CARNS1: variants seen among roughly 807,000 people sequenced by gnomAD.
CARNS1 encodes the protein carnosine synthase 1.
A neutral mutation model predicts 74.0 loss-of-function variants in CARNS1; 61 were observed. The observed-to-expected ratio is 0.82, with a 90% CI of 0.67 to 1.02. The LOEUF is 1.02. Ranked by LOEUF, CARNS1 falls within the 50% of genes least tolerant of loss-of-function variation. The probability of loss-of-function intolerance (pLI) is 0.00; values close to 1 mark genes in which losing one functional copy is unlikely to be tolerated. For synonymous variants in CARNS1, 568 were observed against 605.5 expected (o/e 0.94, Z 0.91); for missense variants, 1,278 against 1,308.4 (o/e 0.98, Z 0.36).
chr11:67,420,189 C>A (rs1863659784), intron 7 of CARNS1, among the ~76,000 whole-genome samples: 1 of 152,196 alleles, frequency 6.6e-6, no homozygotes, highest in African/African-American at 2.4e-5. Flanking sequence ...GGAGGGGCCT[C>A]TAAGCTGGAG....
Position 67,423,610 on chromosome 11 carries a change from T to C in CARNS1, c.1862T>C (p.Met621Thr), listed in dbSNP as rs1230188047. ...CTGCCCTGCAGCTCCCCAGCTGCCATGCGCCTGGCTAAGCAGAAGAGCCTC... is the reference window on the plus strand; with the variant it reads ...CTGCCCTGCAGCTCCCCAGCTGCCACGCGCCTGGCTAAGCAGAAGAGCCTC... ...LGLPCSSPAAMRLAKQKSLTQ... is the reference protein window; with the variant it reads ...LGLPCSSPAATRLAKQKSLTQ... The change falls in exon 10 of 10, where the codon ATG becomes ACG. Residue 621 changes from methionine (M) to threonine (T), a missense_variant. Physicochemically the swap from Met to Thr is moderately conservative, Grantham distance 81. This residue lies in a region of CARNS1 where 1,164 missense variants were observed against 1,156.5 expected (regional missense o/e 1.01). Transcript: ENST00000687366. This position sits in a 1 kb window ranked among gnomAD's most constrained non-coding sequence, Gnocchi z 5.1. 6.2e-7 allele frequency: 1 copy of C among 1,610,142 alleles called. No individual in the cohort carries two copies. The highest frequency in any genetic ancestry group is 1.1e-5 in the South Asian group (1 of 90,452).
chr11:67,419,657 C>T lies in CARNS1; in HGVS notation c.1023C>T (p.Cys341=), dbSNP rs749260663. The change falls in exon 6 of 10, where the codon TGC becomes TGT. Residue 341 remains cysteine (C), a synonymous_variant. Transcript: ENST00000687366. ...EAVYPPAQLP[C]SDGPSPGPGL... Reference sequence around the variant, plus strand: ...TGTACCCACCTGCCCAGCTGCCCTGCTCAGGTGAGAGCCACCTGGGCTGAC... The same window carrying T: ...TGTACCCACCTGCCCAGCTGCCCTGTTCAGGTGAGAGCCACCTGGGCTGAC... 6.3e-7 allele frequency: 1 copy of T among 1,594,090 alleles called. No homozygotes were observed. Among genetic ancestry groups the T allele is most frequent in the Non-Finnish European group, 8.5e-7 (1 of 1,170,984 alleles).
rs1863618294 is a variant in CARNS1, at chr11:67,418,974, G to A, written c.583G>A (p.Asp195Asn). 1.3e-6 allele frequency: 2 copies of A among 1,566,460 alleles called. No individual in the cohort carries two copies. Among genetic ancestry groups the A allele is most frequent in the Non-Finnish European group, 1.7e-6 (2 of 1,156,252 alleles). Reference sequence around the variant, plus strand: ...CCGAGAGGCAGCAGAACTCGCCCGTGACCTGACCTGCCCCACAGGAGCTTC... The same window carrying A: ...CCGAGAGGCAGCAGAACTCGCCCGTAACCTGACCTGCCCCACAGGAGCTTC... The part of the protein sequence containing the change: ...RGREAAELAR[D>N]LTCPTGASAE... Residue 195 changes from aspartate (D) to asparagine (N), a missense_variant, in exon 5 of 10, where the codon GAC becomes AAC. Asp to Asn is a conservative substitution (Grantham distance 23). Coordinates refer to ENST00000687366, the MANE Select transcript of CARNS1 (RefSeq NM_001166222.2).
At chr11:67,416,235 C>G (rs1343144388) in intron 2 of CARNS1, 33 bp downstream of exon 2, 2 of 1,537,062 alleles carry the variant, frequency 1.3e-6, no homozygotes, top group Non-Finnish European at 1.7e-6. Flanking sequence ...CCCACAAGGC[C>G]CAAGTCCCTG....
In CARNS1 at chr11:67,419,050, T is replaced by C. The variant is rs1333427447; in HGVS notation, c.659T>C (p.Leu220Pro). 1 of 1,557,814 alleles carries C rather than the reference T, an allele frequency of 6.4e-7. No homozygotes were observed. Among genetic ancestry groups the C allele is most frequent in the Non-Finnish European group, 8.7e-7 (1 of 1,151,920 alleles). The change falls in exon 5 of 10, where the codon CTG becomes CCG. Residue 220 changes from leucine (L) to proline (P), a missense_variant. Physicochemically the swap from Leu to Pro is moderately conservative, Grantham distance 98 (BLOSUM62 -3). Transcript: ENST00000687366. ...GACCGGCTGCTGACAAGGCAGTTGC[T>C]GGCCCAGCAGGGTGGTGTGGCTGTG... ...LEDRLLTRQL[L>P]AQQGGVAVPA...
rs982045281 is a variant in CARNS1, at chr11:67,419,894, C to T, written c.1113+56C>T. On this transcript the variant is annotated intron_variant, in intron 7 of 9. Coordinates refer to ENST00000687366, the MANE Select transcript of CARNS1 (RefSeq NM_001166222.2). ...CTGCCTGCCACACGCCAGCCCAGTC[C>T]CAGTAGTGGTTTGCCAAGGGCCCCT... 6.1e-5 allele frequency: 94 copies of T among 1,529,076 alleles called. No homozygotes were observed. In the African/African-American group the frequency reaches 1.2e-3, roughly 19 times the overall value. 94.7% of individuals were successfully genotyped at this position (1,529,076 alleles called of 1,614,324 possible).
Position 67,420,596 on chromosome 11 carries a change from TC to T in CARNS1, c.1114-8del, listed in dbSNP as rs1217769034. 4 of 1,233,236 alleles carry T rather than the reference TC, an allele frequency of 3.2e-6. No individual in the cohort carries two copies. The highest frequency in any genetic ancestry group is 3.0e-6 in the Non-Finnish European group (3 of 987,782). The allele number at this position is 1,233,236 out of a possible 1,614,324, so 76.4% of individuals were successfully genotyped here. On this transcript the variant is annotated splice_polypyrimidine_tract_variant and intron_variant, in intron 7 of 9. Coordinates refer to ENST00000687366, the MANE Select transcript of CARNS1 (RefSeq NM_001166222.2). ...GAGTGTGTGGGCCTCCCCCTGAGTCTCCCCCTGCCCAGGTGGTGTGCGGCGT... is the reference window on the plus strand; with the variant it reads ...GAGTGTGTGGGCCTCCCCCTGAGTCTCCCCTGCCCAGGTGGTGTGCGGCGT...
Position 67,417,686 on chromosome 11 carries a change from G to A in CARNS1, c.274+9G>A. 8.0e-7 allele frequency: 1 copy of A among 1,250,272 alleles called. No homozygotes were observed. The highest frequency in any genetic ancestry group is 3.1e-5 in the East Asian group (1 of 31,768). 77.4% of individuals were successfully genotyped at this position (1,250,272 alleles called of 1,614,324 possible). On this transcript the variant is annotated intron_variant, in intron 3 of 9. Transcript: ENST00000687366. ...CCAGGTGCCCCGCACAGGTGCCCAA[G>A]GGCTCCCTGGAGGGAGGCACCTCTG...
Position 67,421,226 on chromosome 11 carries a change from G to A in CARNS1, c.1626+7G>A, listed in dbSNP as rs973904315. 15 of 1,481,868 alleles carry A rather than the reference G, an allele frequency of 1.0e-5. No homozygotes were observed. Among genetic ancestry groups the A allele is most frequent in the Non-Finnish European group, 1.3e-5 (15 of 1,123,556 alleles). The allele number at this position is 1,481,868 out of a possible 1,614,324, so 91.8% of individuals were successfully genotyped here. A position where few individuals can be genotyped will look rare whatever the true frequency, so the allele number is the denominator to read the frequency against. On this transcript the variant is annotated splice_region_variant and intron_variant, in intron 9 of 9. Transcript: ENST00000687366. ...GCGCGACTACGGGCTCCAGGTGGGCGGGGCGCGGGGCGGGGCTGGGCCCCA... is the reference window on the plus strand; with the variant it reads ...GCGCGACTACGGGCTCCAGGTGGGCAGGGCGCGGGGCGGGGCTGGGCCCCA...
chr11:67,425,175 C>G lies in CARNS1; in HGVS notation c.*574C>G, dbSNP rs1244571192. The G allele has an allele frequency of 2.3e-6, 1 of 429,278 alleles. No individual in the cohort carries two copies. The highest frequency in any genetic ancestry group is 4.7e-6 in the Non-Finnish European group (1 of 211,850). 26.6% of individuals were successfully genotyped at this position (429,278 alleles called of 1,614,324 possible). On this transcript the variant is annotated 3_prime_UTR_variant, in exon 10 of 10. Coordinates refer to ENST00000687366, the MANE Select transcript of CARNS1 (RefSeq NM_001166222.2). ...CCTGTGGACAGAAGTAATCCTCTTT[C>G]TGCTCACCCCAGGCAGACACAACTG...
Position 67,424,861 on chromosome 11 carries a change from CCACACACACA to C in CARNS1, c.*282_*291del, listed in dbSNP as rs59798232. 43 of 508,970 alleles carry C rather than the reference CCACACACACA, an allele frequency of 8.4e-5. No homozygotes were observed. In the Middle Eastern group the frequency reaches 1.5e-3, roughly 18 times the overall value. The allele number at this position is 508,970 out of a possible 1,614,324, so 31.5% of individuals were successfully genotyped here. ...TCTAGCCTTGGAGAAATGACAATGG[CCACACACACA>C]CACACACACACACACACACACCTCT... On this transcript the variant is annotated 3_prime_UTR_variant, in exon 10 of 10. Coordinates refer to ENST00000687366, the MANE Select transcript of CARNS1 (RefSeq NM_001166222.2).
In CARNS1 at chr11:67,424,220, T is replaced by C. The variant is rs768285063; in HGVS notation, c.2472T>C (p.Asp824=). 2 of 1,613,766 alleles carry C rather than the reference T, an allele frequency of 1.2e-6. No individual in the cohort carries two copies. The highest frequency in any genetic ancestry group is 1.3e-5 in the African/African-American group (1 of 75,050). ...NPRMGGFYLR[D]WILELYGVDL... is the part of the protein sequence containing the mutation. ...GCATGGGTGGCTTCTACCTGCGTGA[T>C]TGGATCCTGGAGCTCTATGGTGTTG... The change falls in exon 10 of 10, where the codon GAT becomes GAC. Residue 824 remains aspartate (D), a synonymous_variant. Transcript: ENST00000687366.
In CARNS1 at chr11:67,423,693, G is replaced by C; in HGVS notation, c.1945G>C (p.Ala649Pro). Residue 649 changes from alanine to proline, a missense_variant, in exon 10 of 10, where the codon GCT becomes CCT. Coordinates refer to ENST00000687366, the MANE Select transcript of CARNS1 (RefSeq NM_001166222.2). This position sits in a 1 kb window ranked among gnomAD's most constrained non-coding sequence, Gnocchi z 5.1. ...GPPWPAPSLHAVPCCPLESEA... is the reference protein window; with the variant it reads ...GPPWPAPSLHPVPCCPLESEA... Reference sequence around the variant, plus strand: ...ACCCTGGCCTGCGCCCTCCCTCCATGCTGTGCCCTGCTGCCCACTGGAGAG... The same window carrying C: ...ACCCTGGCCTGCGCCCTCCCTCCATCCTGTGCCCTGCTGCCCACTGGAGAG... 1 of 1,585,238 alleles carries C rather than the reference G, an allele frequency of 6.3e-7. No homozygotes were observed. The highest frequency in any genetic ancestry group is 8.5e-7 in the Non-Finnish European group (1 of 1,170,016).
chr11:67,417,077 C>G, intron 2 of CARNS1: 1 of 1,087,918 alleles, frequency 9.2e-7, no homozygotes, highest in Non-Finnish European at 1.1e-6. Flanking sequence ...GGGTTGCCTC[C>G]ATGAACAAAA....
At chr11:67,422,163 C>T (rs560056126) in intron 9 of CARNS1, among the ~76,000 whole-genome samples, 98 of 140,204 alleles carry the variant, frequency 7.0e-4, no homozygotes, top group Admixed American at 1.1e-3. Flanking sequence ...TGAGCCACCG[C>T]GCCCGGCCTT....
chr11:67,417,528 G>A lies in CARNS1; in HGVS notation c.125G>A (p.Trp42Ter). The A allele has an allele frequency of 7.0e-7, 1 of 1,423,934 alleles. No individual in the cohort carries two copies. The highest frequency in any genetic ancestry group is 1.5e-5 in the African/African-American group (1 of 67,956). The allele number at this position is 1,423,934 out of a possible 1,614,324, so 88.2% of individuals were successfully genotyped here. The stretch of plus-strand genomic sequence containing the variant: ...CCCACAGGCTGCTTCCCTGGCTCCT[G>A]GCGCCAGGACGTGGGCCTGGACTGC... ...LPPTGCFPGS[W>*]RQDVGLDCKG... The change falls in exon 3 of 10, where the codon TGG (tryptophan) becomes TAG (stop). Residue 42 changes from tryptophan (W) to a stop codon, truncating the protein, a stop_gained. Coordinates refer to ENST00000687366, the MANE Select transcript of CARNS1 (RefSeq NM_001166222.2). LOFTEE classifies it high-confidence loss of function.
At position 67,417,671 on chromosome 11, in the gene CARNS1, C is replaced by G. The variant is rs879750332; in HGVS notation, c.268C>G (p.Arg90Gly). The stretch of plus-strand genomic sequence containing the variant: ...GACTCAGGACCGCGGCCAGGTGCCC[C>G]GCACAGGTGCCCAAGGGCTCCCTGG... ...PETQDRGQVP[R>G]TGCPGAEVTL... Residue 90 changes from arginine to glycine, a missense_variant, in exon 3 of 10, where the codon CGC (arginine) becomes GGC (glycine). By Grantham distance (125) the Arg-to-Gly change is moderately radical. This residue lies in a region of CARNS1 where 104 missense variants were observed against 127.3 expected (regional missense o/e 0.82). Coordinates refer to ENST00000687366, the MANE Select transcript of CARNS1 (RefSeq NM_001166222.2). The G allele has an allele frequency of 8.0e-7, 1 of 1,256,208 alleles. No individual in the cohort carries two copies. The highest frequency in any genetic ancestry group is 1.0e-6 in the Non-Finnish European group (1 of 999,120). The allele number at this position is 1,256,208 out of a possible 1,614,324, so 77.8% of individuals were successfully genotyped here.
chr11:67,418,676 G>T, intron 4 of CARNS1, 80 bp from the exon 5 acceptor site: 1 of 1,471,224 alleles, frequency 6.8e-7, no homozygotes. Flanking sequence ...GGGATCAGCT[G>T]CTTCCACTCC....
rs59798232 is a variant in CARNS1, at chr11:67,424,861, C to CCACACACA, written c.*284_*291dup. The CCACACACA allele has an allele frequency of 2.5e-3, 1,263 of 508,676 alleles. 6 individuals are homozygous for CCACACACA. The highest frequency in any genetic ancestry group is 0.015 in the African/African-American group (692 of 47,662). 31.5% of individuals were successfully genotyped at this position (508,676 alleles called of 1,614,324 possible). On this transcript the variant is annotated 3_prime_UTR_variant, in exon 10 of 10. Transcript: ENST00000687366. ...TCTAGCCTTGGAGAAATGACAATGG[C>CCACACACA]CACACACACACACACACACACACAC...
Sources: allele counts gnomAD v4.1 joint callset (sites outside exome capture counted in the v4.1 genomes callset), GRCh38; gene constraint gnomAD v4.1.1; regional missense constraint gnomAD v4.1.1; non-coding constraint Gnocchi (gnomAD v3.1); transcripts MANE v1.5; gene names NCBI Gene and HGNC (gene_info 2026-07-23, HGNC 2026-07-21).